DPP10: variants seen among roughly 807,000 people sequenced by gnomAD.
The protein encoded by DPP10 is dipeptidyl peptidase like 10, also known as inactive dipeptidyl peptidase 10.
Under a neutral mutation model 120.9 loss-of-function variants are expected in DPP10, and 33 were observed. That is an observed-to-expected ratio of 0.27 (90% CI 0.21 to 0.37). DPP10 has a LOEUF of 0.37. DPP10 is among the 10% of genes least tolerant of loss of function. The pLI is 1.00. For missense variants in DPP10, 816 were observed against 942.8 expected (o/e 0.87, Z 1.76); for synonymous variants, 337 against 326.1 (o/e 1.03, Z -0.36).
At chr2:115,301,938 C>T (rs1222619495) in intron 1 of DPP10, among the ~76,000 whole-genome samples, 1 of 151,832 alleles carries the variant, frequency 6.6e-6, no homozygotes, top group South Asian at 2.1e-4. Context: ...TGTATGAGTT[C>T]GTTTTGACAT....
intron 5 of DPP10, among the ~76,000 whole-genome samples, chr2:115,566,514 C>T (rs1467142348): frequency 2.6e-5 from 4 of 151,918 alleles, no homozygotes; most frequent in East Asian, 1.9e-4. Context: ...TATTAAGATT[C>T]GTTTTGATGA....
rs1679731794 is a variant in DPP10, at chr2:115,758,680, C to T, written c.1075-3892C>T. On this transcript the variant is annotated intron_variant, in intron 11 of 25. Coordinates refer to ENST00000410059, the MANE Select transcript of DPP10 (RefSeq NM_020868.6). ...AAAGAATAAAATTGAAGGAGTTAGCCCTACCTGATTTCAAGAATAAATAAA... is the reference window on the plus strand; with the variant it reads ...AAAGAATAAAATTGAAGGAGTTAGCTCTACCTGATTTCAAGAATAAATAAA... Among the ~76,000 whole-genome samples, 3 of 151,768 alleles carry T rather than the reference C, an allele frequency of 2.0e-5. No individual in the cohort carries two copies. In the South Asian group the frequency reaches 6.2e-4, roughly 32 times the overall value.
chr2:115,391,218 AG>A (rs1445930930), intron 3 of DPP10, among the ~76,000 whole-genome samples: 11 of 152,188 alleles, frequency 7.2e-5, no homozygotes, highest in Admixed American at 7.2e-4. Flanking sequence ...AAGTCTTCCA[AG>A]GCTTGGATAT....
At chr2:115,056,452 T>G (rs557652385) in intron 1 of DPP10, among the ~76,000 whole-genome samples, 4 of 152,212 alleles carry the variant, frequency 2.6e-5, no homozygotes, top group African/African-American at 9.6e-5. Flanking sequence ...CATCATAGCC[T>G]GGGTTCAAGT....
intron 1 of DPP10, among the ~76,000 whole-genome samples, chr2:115,034,286 C>T (rs1456779726): frequency 6.6e-6 from 1 of 151,588 alleles, no homozygotes; most frequent in African/African-American, 2.4e-5. Flanking sequence ...ATTTTTTGTC[C>T]TCTCTCTCCC....
At chr2:114,711,101 A>G (rs532984613) in intron 1 of DPP10, among the ~76,000 whole-genome samples, 2 of 152,218 alleles carry the variant, frequency 1.3e-5, no homozygotes, top group South Asian at 4.1e-4. Flanking sequence ...GATTAAGGTC[A>G]GGAAAAAGGC....
intron 1 of DPP10, among the ~76,000 whole-genome samples, chr2:114,747,031 TCA>T (rs1678643823): frequency 6.6e-6 from 1 of 152,212 alleles, no homozygotes; most frequent in Non-Finnish European, 1.5e-5. Flanking sequence ...TCTCTAAATA[TCA>T]CTTAGTTCTG....
At position 115,716,986 on chromosome 2, in the gene DPP10, C is replaced by T. The variant is rs191460746; in HGVS notation, c.577-10830C>T. On this transcript the variant is annotated intron_variant, in intron 7 of 25. Transcript: ENST00000410059. ...AATCTGTTATAAGAATTTTGGAATC[C>T]CCATTTGAAATACAAAGAGTTACAA... is the stretch of plus-strand genomic sequence containing the variant. Among the ~76,000 whole-genome samples, 46 of 152,210 alleles carry T rather than the reference C, an allele frequency of 3.0e-4. 1 individual carries two copies. Among genetic ancestry groups the T allele is most frequent in the African/African-American group, 1.1e-3 (44 of 41,506 alleles).
intron 1 of DPP10, among the ~76,000 whole-genome samples, chr2:114,861,006 C>T (rs897118613): frequency 4.6e-5 from 7 of 152,154 alleles, no homozygotes; most frequent in African/African-American, 7.2e-5. Flanking sequence ...AGGAGCTAGC[C>T]GTTAAACCCA....
intron 7 of DPP10, among the ~76,000 whole-genome samples, chr2:115,705,826 T>C (rs1342779165): frequency 1.3e-5 from 2 of 151,922 alleles, no homozygotes; most frequent in African/African-American, 4.8e-5. Context: ...ACAATCTCCC[T>C]TACCACATTG....
At chr2:114,648,347 A>C (rs1183431681) in intron 1 of DPP10, among the ~76,000 whole-genome samples, 1 of 152,214 alleles carries the variant, frequency 6.6e-6, no homozygotes, top group Non-Finnish European at 1.5e-5. Flanking sequence ...GTTAAATCTC[A>C]GACCCTTCAC....
chr2:114,814,143 A>G (rs1685424461), intron 1 of DPP10, among the ~76,000 whole-genome samples: 1 of 152,224 alleles, frequency 6.6e-6, no homozygotes, highest in South Asian at 2.1e-4. Flanking sequence ...CTCCACTTGG[A>G]AAGCCATTAC....
intron 1 of DPP10, among the ~76,000 whole-genome samples, chr2:115,060,409 G>A (rs1024114): frequency 0.51 from 77,013 of 151,426 alleles, 19,676 homozygotes; most frequent in South Asian, 0.59. Context: ...CATGGACAAC[G>A]TGACAAAACC....
At chr2:114,939,613 G>T (rs1168331763) in intron 1 of DPP10, among the ~76,000 whole-genome samples, 1 of 152,044 alleles carries the variant, frequency 6.6e-6, no homozygotes, top group Non-Finnish European at 1.5e-5. Flanking sequence ...CCAAGATATA[G>T]TTAAAATCTG....
chr2:115,617,855 C>A (rs1052480661), intron 5 of DPP10, among the ~76,000 whole-genome samples: 1 of 152,128 alleles, frequency 6.6e-6, no homozygotes, highest in Non-Finnish European at 1.5e-5. Context: ...AAATTACACA[C>A]AGTAGGAAAT....
chr2:115,303,240 A>G (rs893525784), intron 1 of DPP10, among the ~76,000 whole-genome samples: 3 of 151,986 alleles, frequency 2.0e-5, no homozygotes, highest in African/African-American at 7.2e-5. Flanking sequence ...TCAATATGTT[A>G]TAAAATATTT....
Position 114,714,230 on chromosome 2 carries a change from G to A in DPP10, c.60+271392G>A, listed in dbSNP as rs947617211. 2.0e-5 allele frequency among the ~76,000 whole-genome samples: 3 copies of A among 152,014 alleles called. No individual in the cohort carries two copies. The East Asian group carries it at 5.8e-4, about 29-fold the overall frequency. On this transcript the variant is annotated intron_variant, in intron 1 of 25. Transcript: ENST00000410059. ...TCTATGAACATGACAAGCATGCTGG[G>A]TATAAAGGCATCTCCAGCAACATAG...
At chr2:115,241,049 T>G (rs2058250595) in intron 1 of DPP10, among the ~76,000 whole-genome samples, 1 of 152,086 alleles carries the variant, frequency 6.6e-6, no homozygotes, top group Admixed American at 6.5e-5. Flanking sequence ...GGCAGGCAGA[T>G]CACGAGGTCA....
rs569663741 is a variant in DPP10 at position 114,583,881 on chromosome 2, A to C, written c.60+141043A>C. ...TCCTCATTGATGTTCCACTGTTATG[A>C]ATCCTTGCTTAATATAATGCTCATT... On this transcript the variant is annotated intron_variant, in intron 1 of 25. Transcript: ENST00000410059. Among the ~76,000 whole-genome samples the C allele has an allele frequency of 2.6e-5, 4 of 152,288 alleles. No homozygotes were observed. In the East Asian group the frequency reaches 7.7e-4, roughly 29 times the overall value.
Sources: gnomAD v4.1 joint callset for allele counts (sites outside exome capture counted in the v4.1 genomes callset) on GRCh38, gnomAD v4.1.1 for gene constraint, MANE v1.5 for transcripts, NCBI Gene and HGNC (gene_info 2026-07-23, HGNC 2026-07-21) for gene names.